The following VAV1 variants were observed in gnomAD, a reference collection of about 807,000 sequenced individuals.
VAV1 encodes vav guanine nucleotide exchange factor 1.
VAV1 carries 33 observed loss-of-function variants against 128.1 expected under a neutral mutation model. That is an observed-to-expected ratio of 0.26 (90% CI 0.20 to 0.34). The LOEUF (loss-of-function observed/expected upper bound fraction) is 0.34. Ranked by LOEUF, VAV1 falls within the 10% of genes least tolerant of loss-of-function variation. The pLI is 1.00. For missense variants in VAV1, 715 were observed against 1,093.7 expected, an observed-to-expected ratio of 0.65 and a Z score of 4.88; for synonymous variants, 394 against 409.8, an observed-to-expected ratio of 0.96 and a Z score of 0.47.
chr19:6,855,154 T>C (rs1237092389), intron 26 of VAV1, among the ~76,000 whole-genome samples: 3 of 152,236 alleles, frequency 2.0e-5, no homozygotes, highest in Non-Finnish European at 4.4e-5. Context: ...GAATTCTGCC[T>C]TATGATGGAT....
At chr19:6,809,136 A>AGT (rs982699017) in intron 1 of VAV1, among the ~76,000 whole-genome samples, 1 of 149,060 alleles carries the variant, frequency 6.7e-6, no homozygotes, top group African/African-American at 2.5e-5. Flanking sequence ...GCTGGGGTGC[A>AGT]GTGACTTGAT....
At chr19:6,816,418 T>C (rs975967214) in intron 1 of VAV1, 2 of 151,498 alleles carry the variant, frequency 1.3e-5, no homozygotes, top group African/African-American at 4.9e-5. Flanking sequence ...TCCCAGGAGG[T>C]GAAGGCTGCA....
chr19:6,782,541 C>A (rs1233237165), intron 1 of VAV1, among the ~76,000 whole-genome samples: 3 of 152,050 alleles, frequency 2.0e-5, no homozygotes, highest in Non-Finnish European at 4.4e-5. Context: ...TGCCTGTAGG[C>A]AATGGTATAT....
intron 6 of VAV1, among the ~76,000 whole-genome samples, chr19:6,824,130 G>C (rs1971858456): frequency 6.6e-6 from 1 of 151,644 alleles, no homozygotes; most frequent in Non-Finnish European, 1.5e-5. Context: ...TTGTAGATAT[G>C]GGGTCTTGCT....
rs778524498 is a variant in VAV1 at position 6,836,525 on chromosome 19, T to C, written c.1871T>C (p.Ile624Thr). 6.2e-6 allele frequency: 10 copies of C among 1,613,868 alleles called. No individual in the cohort carries two copies. Among genetic ancestry groups the C allele is most frequent in the Non-Finnish European group, 8.5e-6 (10 of 1,179,966 alleles). Residue 624 changes from isoleucine (I) to threonine (T), a missense_variant, in exon 20 of 27, where the codon ATT (isoleucine) becomes ACT (threonine). Physicochemically the swap from Ile to Thr is moderately conservative, Grantham distance 89. Around this residue, in one of 3 missense-constraint regions of VAV1, gnomAD observed 407 missense variants for 580.6 expected, o/e 0.70. Coordinates refer to ENST00000602142, the MANE Select transcript of VAV1 (RefSeq NM_005428.4). ...TTTCTACGGCTCAACCCTGGAGACA[T>C]TGTGGAGCTCACGAAGGCTGAGGCT... is the stretch of plus-strand genomic sequence containing the variant. Reference protein sequence around the residue: ...GPFLRLNPGDIVELTKAEAEQ... With the variant: ...GPFLRLNPGDTVELTKAEAEQ...
At chr19:6,813,375 C>T (rs1327850900) in intron 1 of VAV1, among the ~76,000 whole-genome samples, 2 of 152,212 alleles carry the variant, frequency 1.3e-5, no homozygotes, top group East Asian at 3.9e-4. Context: ...ATTATTTAGT[C>T]TTGAGAACTC....
chr19:6,795,345 C>G (rs138413366), intron 1 of VAV1, among the ~76,000 whole-genome samples: 1 of 151,986 alleles, frequency 6.6e-6, no homozygotes, highest in East Asian at 1.9e-4. Flanking sequence ...AGCAAATGAC[C>G]CTCCTTCTCT....
At chr19:6,840,399 G>A (rs1362051102) in intron 21 of VAV1, among the ~76,000 whole-genome samples, 1 of 150,744 alleles carries the variant, frequency 6.6e-6, no homozygotes, top group Non-Finnish European at 1.5e-5. Context: ...TCCACTTCCC[G>A]GGTTCACACC....
At chr19:6,805,422 C>T (rs1388395715) in intron 1 of VAV1, among the ~76,000 whole-genome samples, 1 of 151,782 alleles carries the variant, frequency 6.6e-6, no homozygotes, top group African/African-American at 2.4e-5. Flanking sequence ...AAGACTCCAT[C>T]TCAAACAAAA....
At chr19:6,797,938 TAA>T (rs567691544) in intron 1 of VAV1, among the ~76,000 whole-genome samples, 2,097 of 143,016 alleles carry the variant, frequency 0.015, 46 homozygotes, top group African/African-American at 0.047. Flanking sequence ...CCTGCTGACT[TAA>T]AAAAAAAAAA....
At chr19:6,844,157 A>T (rs921563011) in intron 22 of VAV1, among the ~76,000 whole-genome samples, 2 of 125,610 alleles carry the variant, frequency 1.6e-5, no homozygotes, top group African/African-American at 5.9e-5. Context: ...CATGGTGAGG[A>T]AGTGATGGAG....
At chr19:6,776,763 ATTTG>A (rs1216434922) in intron 1 of VAV1, among the ~76,000 whole-genome samples, 2 of 144,580 alleles carry the variant, frequency 1.4e-5, no homozygotes, top group African/African-American at 5.2e-5. Flanking sequence ...TTTTTTATTT[ATTTG>A]TTTATTTATT....
Position 6,772,867 on chromosome 19 carries a change from C to T in VAV1, c.60C>T (p.Ser20=), listed in dbSNP as rs1420302315. The change falls in exon 1 of 27, where the codon AGC becomes AGT. Residue 20 remains serine, a synonymous_variant. Coordinates refer to ENST00000602142, the MANE Select transcript of VAV1 (RefSeq NM_005428.4). This position sits in a 1 kb window ranked among gnomAD's most constrained non-coding sequence, Gnocchi z 4.8. ...WLIQCRVLPP[S]HRVTWDGAQV... is the part of the protein sequence containing the mutation. ...TCCAGTGCCGGGTGCTGCCGCCCAG[C>T]CACCGCGTGACCTGGGATGGGGCTC... The T allele has an allele frequency of 1.2e-6, 2 of 1,614,114 alleles. No individual in the cohort carries two copies. Among genetic ancestry groups the T allele is most frequent in the Admixed American group, 3.3e-5 (2 of 60,024 alleles).
intron 1 of VAV1, among the ~76,000 whole-genome samples, chr19:6,774,011 A>G (rs1309465696): frequency 1.3e-5 from 2 of 152,058 alleles, no homozygotes; most frequent in African/African-American, 2.4e-5. Flanking sequence ...GCAGATGAAG[A>G]GCTGGGAGGA....
chr19:6,797,563 C>T (rs543462643), intron 1 of VAV1, among the ~76,000 whole-genome samples: 2 of 151,926 alleles, frequency 1.3e-5, no homozygotes, highest in East Asian at 2.0e-4. Flanking sequence ...ATTAGCTGGG[C>T]GTGGTGACGC....
intron 1 of VAV1, among the ~76,000 whole-genome samples, chr19:6,783,470 C>CTT (rs61101390): frequency 0.012 from 1,387 of 113,752 alleles, 57 homozygotes; most frequent in African/African-American, 0.047. Context: ...CACCTCCATC[C>CTT]TTTTTTTTTT....
At chr19:6,835,909 T>A (rs1190503558) in intron 19 of VAV1, 1 of 152,340 alleles carries the variant, frequency 6.6e-6, no homozygotes, top group East Asian at 1.9e-4. Flanking sequence ...TCTCACTCCA[T>A]CGCCCAGGCT....
chr19:6,830,496 G>A (rs1972029396), intron 14 of VAV1, among the ~76,000 whole-genome samples: 1 of 151,872 alleles, frequency 6.6e-6, no homozygotes, highest in Non-Finnish European at 1.5e-5. Context: ...CTGGAATGCA[G>A]TGGCACGGTC....
intron 13 of VAV1, 50 bp from the exon 14 acceptor site, chr19:6,829,736 T>A (rs761709150): frequency 3.7e-6 from 6 of 1,607,640 alleles, no homozygotes; most frequent in Non-Finnish European, 5.1e-6. Flanking sequence ...AGAGGGCTGA[T>A]GGGGACAGTT....
Sources: gnomAD v4.1 joint callset for allele counts (sites outside exome capture counted in the v4.1 genomes callset) on GRCh38, gnomAD v4.1.1 for gene constraint, gnomAD v4.1.1 regional missense constraint, Gnocchi (gnomAD v3.1) non-coding constraint, MANE v1.5 for transcripts, NCBI Gene and HGNC (gene_info 2026-07-23, HGNC 2026-07-21) for gene names.